The following FAR2 variants were observed in gnomAD, a reference collection of about 807,000 sequenced individuals.
FAR2 encodes the protein epididymis secretory protein Li 81.
A neutral mutation model predicts 56.0 loss-of-function variants in FAR2; 19 were observed. That is an observed-to-expected ratio of 0.34 (90% CI 0.24 to 0.50). The LOEUF (loss-of-function observed/expected upper bound fraction) is 0.50, where lower values mean the gene tolerates loss of function less well. Ranked by LOEUF, FAR2 falls within the 20% of genes least tolerant of loss-of-function variation. The pLI, the probability that FAR2 is intolerant of heterozygous loss-of-function variation, is 0.98. For synonymous variants in FAR2, 219 were observed against 218.8 expected, an observed-to-expected ratio of 1.00 and a Z score of -0.01; for missense variants, 508 against 642.2, an observed-to-expected ratio of 0.79 and a Z score of 2.26.
chr12:29,331,836 C>A (rs1237957496), intron 10 of FAR2: 1 of 152,144 alleles, frequency 6.6e-6, no homozygotes, highest in Non-Finnish European at 1.5e-5. Flanking sequence ...CAATTCAAAT[C>A]TTTACTCCAG....
At chr12:29,194,261 C>T (rs1187855057) in intron 1 of FAR2, among the ~76,000 whole-genome samples, 1 of 152,100 alleles carries the variant, frequency 6.6e-6, no homozygotes, top group Non-Finnish European at 1.5e-5. Context: ...AACGAATCTT[C>T]AACTTCTCAG....
intron 4 of FAR2, among the ~76,000 whole-genome samples, chr12:29,298,765 T>A (rs183858425): frequency 6.6e-6 from 1 of 152,286 alleles, no homozygotes; most frequent in East Asian, 1.9e-4. Context: ...TCTTGGTAAA[T>A]GTGATGTTTT....
At chr12:29,200,693 A>G (rs563561522) in intron 1 of FAR2, among the ~76,000 whole-genome samples, 13 of 152,358 alleles carry the variant, frequency 8.5e-5, no homozygotes, top group Admixed American at 7.2e-4. Flanking sequence ...AAATTAAAAT[A>G]GCAATAAAGG....
intron 1 of FAR2, among the ~76,000 whole-genome samples, chr12:29,201,581 T>C (rs1947412645): frequency 6.6e-6 from 1 of 152,144 alleles, no homozygotes; most frequent in East Asian, 1.9e-4. Flanking sequence ...GAACTTTACT[T>C]CCTATTGTGT....
At chr12:29,292,481 A>G (rs538478527) in intron 2 of FAR2, among the ~76,000 whole-genome samples, 2 of 152,360 alleles carry the variant, frequency 1.3e-5, no homozygotes, top group East Asian at 1.9e-4. Flanking sequence ...AACATTAACT[A>G]TCAAGAGGGA....
intron 10 of FAR2, among the ~76,000 whole-genome samples, chr12:29,322,873 T>C (rs1949575611): frequency 1.3e-5 from 2 of 152,276 alleles, no homozygotes; most frequent in African/African-American, 4.8e-5. Context: ...CCCTGACCCC[T>C]TGCACTTCCT....
At chr12:29,318,655 G>A (rs373255424) in intron 9 of FAR2, among the ~76,000 whole-genome samples, 3 of 152,268 alleles carry the variant, frequency 2.0e-5, no homozygotes, top group East Asian at 3.9e-4. Context: ...ATATATGGAC[G>A]TACATAGTTT....
intron 1 of FAR2, among the ~76,000 whole-genome samples, chr12:29,181,205 A>G (rs1949988721): frequency 6.6e-6 from 1 of 152,134 alleles, no homozygotes; most frequent in Non-Finnish European, 1.5e-5. Flanking sequence ...CCTGACGTTC[A>G]CCCGTAGAAT....
At chr12:29,241,595 A>T (rs1268944159) in intron 1 of FAR2, among the ~76,000 whole-genome samples, 1 of 152,090 alleles carries the variant, frequency 6.6e-6, no homozygotes, top group Non-Finnish European at 1.5e-5. Flanking sequence ...TGCAGACTTT[A>T]TCACAACCTG....
chr12:29,166,248 T>TTG (rs1026952765), intron 1 of FAR2, among the ~76,000 whole-genome samples: 50 of 152,250 alleles, frequency 3.3e-4, no homozygotes, highest in African/African-American at 1.1e-3. Flanking sequence ...ATAAGGTCTT[T>TTG]TGTGTGTGTG....
intron 1 of FAR2, among the ~76,000 whole-genome samples, chr12:29,184,571 A>T (rs1003232351): frequency 2.6e-5 from 4 of 151,324 alleles, no homozygotes; most frequent in Admixed American, 6.6e-5. Context: ...AGTAGCTGGG[A>T]TTACTGGTGC....
chr12:29,286,070 C>T (rs200856079), intron 2 of FAR2, among the ~76,000 whole-genome samples: 121 of 34,702 alleles, frequency 3.5e-3, no homozygotes, highest in African/African-American at 0.016. Flanking sequence ...CACAGACACA[C>T]ACACACACAC....
At chr12:29,217,317 C>A (rs2136635160) in intron 1 of FAR2, among the ~76,000 whole-genome samples, 1 of 152,216 alleles carries the variant, frequency 6.6e-6, no homozygotes, top group South Asian at 2.1e-4. Context: ...AAAGGAGAAA[C>A]AAGTATTACA....
At chr12:29,260,060 A>T (rs140914902) in intron 1 of FAR2, among the ~76,000 whole-genome samples, 199 of 152,278 alleles carry the variant, frequency 1.3e-3, no homozygotes, top group African/African-American at 4.5e-3. Context: ...CTGTAAAACT[A>T]TTTTAGTTTA....
At chr12:29,328,405 G>GCA (rs1949680954) in intron 10 of FAR2, among the ~76,000 whole-genome samples, 1 of 152,112 alleles carries the variant, frequency 6.6e-6, no homozygotes, top group Admixed American at 6.5e-5. Flanking sequence ...CCATTACTGG[G>GCA]TATATACCCA....
At chr12:29,233,770 A>C (rs982949206) in intron 1 of FAR2, among the ~76,000 whole-genome samples, 8 of 152,200 alleles carry the variant, frequency 5.3e-5, no homozygotes, top group Non-Finnish European at 1.2e-4. Flanking sequence ...AAAATAAACA[A>C]ACCTCCTCTG....
intron 1 of FAR2, among the ~76,000 whole-genome samples, chr12:29,203,983 G>C (rs1220186672): frequency 8.5e-6 from 1 of 117,894 alleles, no homozygotes. Context: ...CTGGGAGAGA[G>C]AGTGAGATTC....
intron 1 of FAR2, among the ~76,000 whole-genome samples, chr12:29,196,735 C>T (rs2136612108): frequency 6.6e-6 from 1 of 152,110 alleles, no homozygotes; most frequent in East Asian, 1.9e-4. Flanking sequence ...CTCAAAAGCA[C>T]AATCAATGAA....
Position 29,232,384 on chromosome 12 carries a change from G to A in FAR2, c.-38-38028G>A, listed in dbSNP as rs536009802. ...GTCCTTCCCCCACTCGCATCTTCAT[G>A]TTCTTTTTTAATTTTCTTCCCTTCC... is the stretch of plus-strand genomic sequence containing the variant. On this transcript the variant is annotated intron_variant, in intron 1 of 11. Coordinates refer to ENST00000536681, the MANE Select transcript of FAR2 (RefSeq NM_001271783.2). Among the ~76,000 whole-genome samples, 16 of 152,132 alleles carry A rather than the reference G, an allele frequency of 1.1e-4. No individual in the cohort carries two copies. In the South Asian group the frequency reaches 3.1e-3, roughly 30 times the overall value.
Sources: gnomAD v4.1 joint callset for allele counts (sites outside exome capture counted in the v4.1 genomes callset) on GRCh38, gnomAD v4.1.1 for gene constraint, MANE v1.5 for transcripts, NCBI Gene and HGNC (gene_info 2026-07-23, HGNC 2026-07-21) for gene names.